Variants in OARD1 observed in about 807,000 individuals in gnomAD.
The protein encoded by OARD1 is ADP-ribose glycohydrolase OARD1.
Under a neutral mutation model 19.7 loss-of-function variants are expected in OARD1, and 19 were observed. The ratio of observed to expected loss-of-function variants is 0.96; its 90% CI spans 0.67 to 1.41. The LOEUF (loss-of-function observed/expected upper bound fraction) is 1.41. Ranked by LOEUF, OARD1 falls within the 40% of genes most tolerant of loss-of-function variation. OARD1 has a pLI of 0.00. For missense variants in OARD1, 190 were observed against 183.8 expected (o/e 1.03, Z -0.20); for synonymous variants, 70 against 61.8 (o/e 1.13, Z -0.62).
At chr6:41,068,443 G>T (rs1763138727) in intron 5 of OARD1, among the ~76,000 whole-genome samples, 1 of 152,240 alleles carries the variant, frequency 6.6e-6, no homozygotes, top group African/African-American at 2.4e-5. Flanking sequence ...CAAAGTAATA[G>T]GTTTGGGAGA....
At chr6:41,069,930 A>G (rs1763237246) in intron 4 of OARD1, 146 bp downstream of exon 4, 4 of 728,440 alleles carry the variant, frequency 5.5e-6, no homozygotes, top group African/African-American at 1.8e-5. Context: ...TGGAGTTGTC[A>G]TAAGATAGGA....
rs938742306 is a variant in OARD1, at chr6:41,066,672, T to TAA, written c.*662_*663insTT. 1 of 152,206 alleles carries TAA rather than the reference T, an allele frequency of 6.6e-6. No homozygotes were observed. Among genetic ancestry groups the TAA allele is most frequent in the African/African-American group, 2.4e-5 (1 of 41,456 alleles). 9.4% of individuals were successfully genotyped at this position (152,206 alleles called of 1,614,324 possible). On this transcript the variant is annotated 3_prime_UTR_variant, in exon 6 of 6. Coordinates refer to ENST00000424266, the MANE Select transcript of OARD1 (RefSeq NM_001329686.2). ...TTTTGACTTGTCTATTTTTATCTCT[T>TAA]ATTTCTCACTTTGCTTCTCCTCCCG... is the stretch of plus-strand genomic sequence containing the variant.
chr6:41,074,364 C>T (rs1188724190), upstream of OARD1, among the ~76,000 whole-genome samples: 1 of 152,126 alleles, frequency 6.6e-6, no homozygotes, highest in African/African-American at 2.4e-5. Context: ...ACGTAGAGGT[C>T]AATAAGAACT....
intron 1 of OARD1, among the ~76,000 whole-genome samples, chr6:41,095,485 G>A (rs564396262): frequency 6.6e-6 from 1 of 152,070 alleles, no homozygotes; most frequent in African/African-American, 2.4e-5. Context: ...TTTTTTGGAG[G>A]CAGTGGTGTG....
chr6:41,065,383 C>T lies in OARD1; in HGVS notation c.*1952G>A, dbSNP rs563819528. On this transcript the variant is annotated 3_prime_UTR_variant, in exon 6 of 6. Coordinates refer to ENST00000424266, the MANE Select transcript of OARD1 (RefSeq NM_001329686.2). ...CATACACATTCAGTACACCCTTCAA[C>T]TGAACTCAACTTAAGATGGGGTTAC... 2 of 152,184 alleles carry T rather than the reference C, an allele frequency of 1.3e-5. No individual in the cohort carries two copies. The highest frequency in any genetic ancestry group is 2.9e-5 in the Non-Finnish European group (2 of 68,036). The allele number at this position is 152,184 out of a possible 1,614,324, so 9.4% of individuals were successfully genotyped here.
At chr6:41,082,802 A>G (rs1763944223) in intron 1 of OARD1, among the ~76,000 whole-genome samples, 1 of 152,246 alleles carries the variant, frequency 6.6e-6, no homozygotes, top group African/African-American at 2.4e-5. Context: ...AATAAGGGAA[A>G]GAGATAGCAT....
intron 1 of OARD1, chr6:41,090,182 T>G (rs759417152): frequency 2.0e-6 from 3 of 1,494,230 alleles, no homozygotes; most frequent in Non-Finnish European, 2.8e-6. Flanking sequence ...TGTTGAATTG[T>G]GTCATTACTT....
At chr6:41,071,504 T>G in intron 2 of OARD1, 92 bp downstream of exon 2, 1 of 1,179,310 alleles carries the variant, frequency 8.5e-7, no homozygotes, top group Non-Finnish European at 1.3e-6. Flanking sequence ...AAAAAGATAA[T>G]GCAATCATTA....
Position 41,065,565 on chromosome 6 carries a change from G to C in OARD1, c.*1770C>G, listed in dbSNP as rs927597496. The C allele has an allele frequency of 6.6e-6, 1 of 152,116 alleles. No individual in the cohort carries two copies. The highest frequency in any genetic ancestry group is 2.4e-5 in the African/African-American group (1 of 41,406). 9.4% of individuals were successfully genotyped at this position (152,116 alleles called of 1,614,324 possible). ...TCCCTTCAACTTTATGTGGACAAAA[G>C]CAATGCTTCAAGAAAAGCCTCAATC... On this transcript the variant is annotated 3_prime_UTR_variant, in exon 6 of 6. Transcript: ENST00000424266.
Position 41,091,556 on chromosome 6 carries a change from T to C in OARD1, c.-42+6157A>G, listed in dbSNP as rs751789060. 1.9e-6 allele frequency: 3 copies of C among 1,614,168 alleles called. No individual in the cohort carries two copies. The South Asian group carries it at 3.3e-5, about 18-fold the overall frequency. ...CAGTCCCTGTTTCAGGCATGATCACTATCCCAGCAGCCAGTTTGGCAGGAG... is the reference window on the plus strand; with the variant it reads ...CAGTCCCTGTTTCAGGCATGATCACCATCCCAGCAGCCAGTTTGGCAGGAG... On this transcript the variant is annotated intron_variant, in intron 1 of 4. Coordinates refer to the OARD1 transcript ENST00000480585.
intron 1 of OARD1, chr6:41,084,299 C>T: frequency 7.7e-7 from 1 of 1,304,712 alleles, no homozygotes. Flanking sequence ...TGCTTCCTAA[C>T]CCACATTTTG....
intron 1 of OARD1, chr6:41,084,158 A>C: frequency 6.2e-7 from 1 of 1,614,164 alleles, no homozygotes; most frequent in Non-Finnish European, 8.5e-7. Flanking sequence ...ACCATCATGC[A>C]AGTACCTGTT....
intron 3 of OARD1, 146 bp downstream of exon 3, chr6:41,070,986 A>C (rs879166980): frequency 1.2e-6 from 1 of 810,042 alleles, no homozygotes; most frequent in South Asian, 1.5e-5. Flanking sequence ...GTAAACGTCT[A>C]AACTAGAGGC....
intron 1 of OARD1, chr6:41,097,469 A>G (rs927963382): frequency 1.9e-6 from 3 of 1,557,294 alleles, no homozygotes; most frequent in Non-Finnish European, 2.7e-6. Flanking sequence ...CAGGAAATTG[A>G]TCAACTCTTC....
intron 1 of OARD1, among the ~76,000 whole-genome samples, chr6:41,092,482 G>A (rs1268774969): frequency 6.6e-6 from 1 of 152,232 alleles, no homozygotes; most frequent in Non-Finnish European, 1.5e-5. Flanking sequence ...CCTACATTTA[G>A]TACAGTGTTT....
At chr6:41,070,905 T>A in intron 3 of OARD1, 1 of 609,770 alleles carries the variant, frequency 1.6e-6, no homozygotes, top group East Asian at 2.7e-5. Context: ...AGTACAGTAA[T>A]ATCGTCAAGA....
Position 41,089,212 on chromosome 6 carries a change from G to A in OARD1, c.-42+8501C>T, listed in dbSNP as rs139859080. Among the ~76,000 whole-genome samples the A allele has an allele frequency of 2.0e-3, 309 of 152,272 alleles. 2 individuals are homozygous for A. Among genetic ancestry groups the A allele is most frequent in the African/African-American group, 7.0e-3 (291 of 41,554 alleles). ...TTGGCCAGGCTGGTCTCGAACTCCT[G>A]ACCTCAAGTGATCCACCCACCTCGG... On this transcript the variant is annotated intron_variant, in intron 1 of 4. Transcript: ENST00000480585.
chr6:41,097,508 C>T, intron 1 of OARD1: 1 of 1,294,748 alleles, frequency 7.7e-7, no homozygotes, highest in South Asian at 1.2e-5. Context: ...CACATTCTGC[C>T]CTTTACTACA....
chr6:41,068,732 A>G (rs1208385321), intron 5 of OARD1, 109 bp downstream of exon 5: 7 of 640,068 alleles, frequency 1.1e-5, no homozygotes, highest in Non-Finnish European at 1.7e-5. Flanking sequence ...ACTTTTGTCC[A>G]CCTTTAAATC....
Sources: allele counts gnomAD v4.1 joint callset (sites outside exome capture counted in the v4.1 genomes callset), GRCh38; gene constraint gnomAD v4.1.1; transcripts MANE v1.5; gene names NCBI Gene and HGNC (gene_info 2026-07-23, HGNC 2026-07-21).